The following UBA7 variants were observed in gnomAD, a reference collection of about 807,000 sequenced individuals.
UBA7 encodes ubiquitin-like modifier-activating enzyme 7.
A neutral mutation model predicts 113.0 loss-of-function variants in UBA7; 88 were observed. That is an observed-to-expected ratio of 0.78 (90% CI 0.66 to 0.93). The LOEUF is 0.93. UBA7 is among the 40% of genes least tolerant of loss of function. The pLI is 0.00. For synonymous variants in UBA7, 459 were observed against 513.0 expected (o/e 0.89, Z 1.42); for missense variants, 1,092 against 1,266.4 (o/e 0.86, Z 2.09).
In UBA7 at chr3:49,813,717, C is replaced by T. The variant is rs771441813; in HGVS notation, c.56+15G>A. On this transcript the variant is annotated intron_variant, in intron 1 of 23. Coordinates refer to ENST00000333486, the MANE Select transcript of UBA7 (RefSeq NM_003335.3). The stretch of plus-strand genomic sequence containing the variant: ...GAAGACCATCCCACTCTCCACCCCC[C>T]ACCTCGGGCCTCACAGCTGTCTTGA... The T allele has an allele frequency of 4.3e-6, 7 of 1,614,152 alleles. No individual in the cohort carries two copies. Among genetic ancestry groups the T allele is most frequent in the Middle Eastern group, 1.6e-4 (1 of 6,084 alleles).
At chr3:49,812,817 G>T in intron 4 of UBA7, 79 bp from the exon 5 acceptor site, 1 of 1,506,656 alleles carries the variant, frequency 6.6e-7, no homozygotes, top group Admixed American at 1.8e-5. Flanking sequence ...CAGGGCCAGA[G>T]GGCCAGAATT....
At position 49,813,247 on chromosome 3, in the gene UBA7, AC is replaced by A; in HGVS notation, c.360+1del. The A allele has an allele frequency of 6.2e-7, 1 of 1,614,058 alleles. No homozygotes were observed. Among genetic ancestry groups the A allele is most frequent in the Non-Finnish European group, 8.5e-7 (1 of 1,179,988 alleles). ...TCTTGAGGGCTGCAGGCCTGAGCTG[AC>A]CTGGAAGTCCAACAGCAGGTCCTCA... On this transcript the variant is annotated splice_donor_variant, in intron 3 of 23. Transcript: ENST00000333486. LOFTEE classifies it high-confidence loss of function.
Position 49,806,151 on chromosome 3 carries a change from C to A in UBA7, c.2730G>T (p.Lys910Asn), listed in dbSNP as rs764894811. The stretch of plus-strand genomic sequence containing the variant: ...CCTTCAGACGGTCCCAAGAGGTCCA[C>A]TTCAGGTGATGGAACTGGGATGAGG... ...APAIQTFHHL[K>N]WTSWDRLKVP... Residue 910 changes from lysine (K) to asparagine (N), a missense_variant, in exon 22 of 24, where the codon AAG becomes AAT. Physicochemically the swap from Lys to Asn is moderately conservative, Grantham distance 94 (BLOSUM62 0). This residue lies in a region of UBA7 where 500 missense variants were observed against 529.3 expected (regional missense o/e 0.94). Coordinates refer to ENST00000333486, the MANE Select transcript of UBA7 (RefSeq NM_003335.3). The A allele has an allele frequency of 4.4e-6, 7 of 1,600,158 alleles. No individual in the cohort carries two copies. The South Asian group carries it at 6.8e-5, about 16-fold the overall frequency.
In UBA7 at chr3:49,809,100, C is replaced by G. The variant is rs141482367; in HGVS notation, c.2223G>C (p.Leu741=). 6.2e-7 allele frequency: 1 copy of G among 1,613,572 alleles called. No individual in the cohort carries two copies. Among genetic ancestry groups the G allele is most frequent in the Non-Finnish European group, 8.5e-7 (1 of 1,179,846 alleles). Residue 741 remains leucine (L), a synonymous_variant, in exon 18 of 24, where the codon CTG becomes CTC. Transcript: ENST00000333486. ...AANLYAQMHG[L]PGSQDWTALR... is the part of the protein sequence containing the mutation. ...GTGCAGTCCAGTCCTGTGAGCCAGG[C>G]AGCCCATGCATCTGGGCATACAGGT...
chr3:49,805,451 G>GA lies in UBA7; in HGVS notation c.2910-15_2910-14insT. 1.9e-6 allele frequency: 3 copies of GA among 1,610,978 alleles called. No homozygotes were observed. Among genetic ancestry groups the GA allele is most frequent in the Non-Finnish European group, 2.5e-6 (3 of 1,177,788 alleles). On this transcript the variant is annotated splice_polypyrimidine_tract_variant and intron_variant, in intron 23 of 23. Coordinates refer to ENST00000333486, the MANE Select transcript of UBA7 (RefSeq NM_003335.3). Reference sequence around the variant, plus strand: ...AGTTCTGTCACCCTGGTAGGGGTGGGTTTAGGGGAGATTGGAGAGGTGAGC... The same window carrying GA: ...AGTTCTGTCACCCTGGTAGGGGTGGGATTTAGGGGAGATTGGAGAGGTGAGC...
chr3:49,808,414 G>A lies in UBA7; in HGVS notation c.2402C>T (p.Pro801Leu), dbSNP rs543591062. 19 of 1,614,080 alleles carry A rather than the reference G, an allele frequency of 1.2e-5. No individual in the cohort carries two copies. Among genetic ancestry groups the A allele is most frequent in the South Asian group, 3.3e-5 (3 of 91,092 alleles). Residue 801 changes from proline to leucine, a missense_variant, in exon 19 of 24, where the codon CCT becomes CTT. Coordinates refer to ENST00000333486, the MANE Select transcript of UBA7 (RefSeq NM_003335.3). ...CTCAAACATCAGAGGCTTCAGGGGA[G>A]GGCCCACACTCCAGACTTCCAGGGC... is the stretch of plus-strand genomic sequence containing the variant. ...NKALEVWSVG[P>L]PLKPLMFEKD... is the part of the protein sequence containing the mutation.
rs1473376931 is a variant in UBA7 at position 49,812,357 on chromosome 3, T to A, written c.694+51A>T. 6 of 1,612,708 alleles carry A rather than the reference T, an allele frequency of 3.7e-6. No homozygotes were observed. The highest frequency in any genetic ancestry group is 5.1e-6 in the Non-Finnish European group (6 of 1,179,102). ...TCCCAAGGGCCAGGCTGTGCTCACT[T>A]CCAGTGGAGGCTTGGGCCCTGCACC... On this transcript the variant is annotated intron_variant, in intron 6 of 23. Coordinates refer to ENST00000333486, the MANE Select transcript of UBA7 (RefSeq NM_003335.3).
chr3:49,810,579 T>C lies in UBA7; in HGVS notation c.1405A>G (p.Met469Val). The C allele has an allele frequency of 6.2e-7, 1 of 1,614,068 alleles. No homozygotes were observed. The highest frequency in any genetic ancestry group is 1.7e-5 in the Admixed American group (1 of 60,000). The part of the protein sequence containing the change: ...GNSGGLTVVD[M>V]DHIERSNLSR... The stretch of plus-strand genomic sequence containing the variant: ...AGATTGGAGCGCTCTATGTGGTCCA[T>C]GTCAACAACAGTCAAGCCCCCGCTG... The change falls in exon 12 of 24, where the codon ATG becomes GTG. Residue 469 changes from methionine (M) to valine (V), a missense_variant. By Grantham distance (21) the Met-to-Val change is conservative. This residue lies in a region of UBA7 where 584 missense variants were observed against 714.5 expected (regional missense o/e 0.82). Transcript: ENST00000333486. This position sits in a 1 kb window ranked among gnomAD's most constrained non-coding sequence, Gnocchi z 5.6.
chr3:49,809,273 A>G, intron 17 of UBA7, 114 bp from the exon 18 acceptor site: 4 of 1,533,810 alleles, frequency 2.6e-6, no homozygotes, highest in Non-Finnish European at 3.5e-6. Flanking sequence ...ACACCCATAT[A>G]TGCACAAGCA....
intron 17 of UBA7, 82 bp from the exon 18 acceptor site, chr3:49,809,241 C>G: frequency 6.5e-7 from 1 of 1,537,820 alleles, no homozygotes; most frequent in South Asian, 1.2e-5. Flanking sequence ...TGTTTGAGTG[C>G]CTGCCTTTGC....
chr3:49,809,125 T>C lies in UBA7; in HGVS notation c.2198A>G (p.Asn733Ser). The C allele has an allele frequency of 6.2e-7, 1 of 1,613,126 alleles. No individual in the cohort carries two copies. Among genetic ancestry groups the C allele is most frequent in the African/African-American group, 1.3e-5 (1 of 75,034 alleles). ...CAGCCCATGCATCTGGGCATACAGGTTGGCAGCTGCCAGTACGTAGAGGAG... is the reference window on the plus strand; with the variant it reads ...CAGCCCATGCATCTGGGCATACAGGCTGGCAGCTGCCAGTACGTAGAGGAG... ...THLLYVLAAA[N>S]LYAQMHGLPG... The change falls in exon 18 of 24, where the codon AAC (asparagine) becomes AGC (serine). Residue 733 changes from asparagine (N) to serine (S), a missense_variant. This residue lies in a region of UBA7 where 500 missense variants were observed against 529.3 expected (regional missense o/e 0.94). Transcript: ENST00000333486.
chr3:49,810,704 C>T lies in UBA7; in HGVS notation c.1312-32G>A. 6.2e-7 allele frequency: 1 copy of T among 1,614,092 alleles called. No homozygotes were observed. Among genetic ancestry groups the T allele is most frequent in the Non-Finnish European group, 8.5e-7 (1 of 1,179,954 alleles). Reference sequence around the variant, plus strand: ...GCAGGAACAGCCTTAGCCAGAGGGGCTGGGCTGGCTCTCCCAAAGGCACCC... The same window carrying T: ...GCAGGAACAGCCTTAGCCAGAGGGGTTGGGCTGGCTCTCCCAAAGGCACCC... On this transcript the variant is annotated intron_variant, in intron 11 of 23. Coordinates refer to ENST00000333486, the MANE Select transcript of UBA7 (RefSeq NM_003335.3). The surrounding 1 kb of genome is among the most constrained non-coding windows in gnomAD (Gnocchi z 5.6).
chr3:49,808,515 G>A lies in UBA7; in HGVS notation c.2348-47C>T, dbSNP rs532181851. On this transcript the variant is annotated intron_variant, in intron 18 of 23. Coordinates refer to ENST00000333486, the MANE Select transcript of UBA7 (RefSeq NM_003335.3). Reference sequence around the variant, plus strand: ...AGGCAGTCCTTAGCCCCTGTCTCCTGCACTCTTCTTGGAGCCCTGTGCCTA... The same window carrying A: ...AGGCAGTCCTTAGCCCCTGTCTCCTACACTCTTCTTGGAGCCCTGTGCCTA... 1.3e-4 allele frequency: 205 copies of A among 1,588,132 alleles called. 3 individuals carry two copies. In the South Asian group the frequency reaches 2.2e-3, roughly 17 times the overall value.
At position 49,813,293 on chromosome 3, in the gene UBA7, C is replaced by T. The variant is rs773150064; in HGVS notation, c.316G>A (p.Val106Met). ...TCCTCAGTGATGTCACCCGTGTGCA[C>T]GACGACCTGGACAGCTCTGTTGAGC... is the stretch of plus-strand genomic sequence containing the variant. ...AQLNRAVQVV[V>M]HTGDITEDLL... The change falls in exon 3 of 24, where the codon GTG becomes ATG. Residue 106 changes from valine to methionine, a missense_variant. This residue lies in a region of UBA7 where 584 missense variants were observed against 714.5 expected (regional missense o/e 0.82). Transcript: ENST00000333486. The T allele has an allele frequency of 5.6e-6, 9 of 1,614,066 alleles. No individual in the cohort carries two copies. The highest frequency in any genetic ancestry group is 1.7e-5 in the Admixed American group (1 of 60,004).
chr3:49,805,422 A>T lies in UBA7; in HGVS notation c.2925T>A (p.Val975=). 6.2e-7 allele frequency: 1 copy of T among 1,606,986 alleles called. No individual in the cohort carries two copies. The change falls in exon 24 of 24, where the codon GTT becomes GTA. Residue 975 remains valine, a synonymous_variant. Transcript: ENST00000333486. The part of the protein sequence containing the change: ...QHLPLRVTEL[V]QQLTGQAPAP... ...CAGGTGCCTGGCCTGTCAGCTGCTG[A>T]ACCAGTTCTGTCACCCTGGTAGGGG... is the stretch of plus-strand genomic sequence containing the variant.
At chr3:49,808,592 AG>A in intron 18 of UBA7, 124 bp from the exon 19 acceptor site, 3 of 1,037,166 alleles carry the variant, frequency 2.9e-6, no homozygotes, top group Non-Finnish European at 4.2e-6. Context: ...CAAATCAAGA[AG>A]CCCCCTTAAT....
rs775226449 is a variant in UBA7 at position 49,808,001 on chromosome 3, C to A, written c.2523+19G>T. 1 of 1,614,120 alleles carries A rather than the reference C, an allele frequency of 6.2e-7. No individual in the cohort carries two copies. The highest frequency in any genetic ancestry group is 1.3e-5 in the African/African-American group (1 of 75,074). On this transcript the variant is annotated intron_variant, in intron 20 of 23. Coordinates refer to ENST00000333486, the MANE Select transcript of UBA7 (RefSeq NM_003335.3). ...TTTGCCCTCCACCTCCAGGCCCAAG[C>A]CTCAAGGGGTGGGGTTACCTGGGCA...
rs772080855 is a variant in UBA7 at position 49,813,118 on chromosome 3, G to A, written c.411C>T (p.Thr137=). The change falls in exon 4 of 24, where the codon ACC becomes ACT. Residue 137 remains threonine, a synonymous_variant. Transcript: ENST00000333486. ...AKLEEQLKVG[T]LCHKHGVCFL... ...AGCAAACTCCATGCTTATGACACAA[G>A]GTGCCCACCTTCAGCTGCTCCTCCA... is the stretch of plus-strand genomic sequence containing the variant. 1.2e-6 allele frequency: 2 copies of A among 1,614,154 alleles called. No individual in the cohort carries two copies. The highest frequency in any genetic ancestry group is 1.7e-5 in the Admixed American group (1 of 60,018).
intron 6 of UBA7, 31 bp downstream of exon 6, chr3:49,812,377 T>C: frequency 6.2e-7 from 1 of 1,613,602 alleles, no homozygotes; most frequent in Non-Finnish European, 8.5e-7. Context: ...GCTTGGGCCC[T>C]GCACCTGGAA....
Sources: allele counts gnomAD v4.1 joint callset, GRCh38; gene constraint gnomAD v4.1.1; regional missense constraint gnomAD v4.1.1; non-coding constraint Gnocchi (gnomAD v3.1); transcripts MANE v1.5; gene names NCBI Gene and HGNC (gene_info 2026-07-23, HGNC 2026-07-21).